The following MAD1L1 variants were observed in gnomAD, a reference collection of about 807,000 sequenced individuals.
The protein encoded by MAD1L1 is mitotic arrest deficient 1 like 1.
MAD1L1 carries 95 observed loss-of-function variants against 96.9 expected under a neutral mutation model. The ratio of observed to expected loss-of-function variants is 0.98; its 90% CI spans 0.83 to 1.16. MAD1L1 has a LOEUF of 1.16. MAD1L1 is among the 50% of genes most tolerant of loss of function. The pLI is 0.00. For synonymous variants in MAD1L1, 473 were observed against 396.6 expected (o/e 1.19, Z -2.29); for missense variants, 1,007 against 954.4 (o/e 1.06, Z -0.73).
chr7:1,928,220 C>T (rs1396939057), intron 17 of MAD1L1, among the ~76,000 whole-genome samples: 1 of 150,464 alleles, frequency 6.6e-6, no homozygotes, highest in Non-Finnish European at 1.5e-5. Flanking sequence ...GAGCCCACGA[C>T]GGAACTCCTG....
chr7:2,074,322 C>T (rs544644915), intron 11 of MAD1L1, among the ~76,000 whole-genome samples: 7 of 151,710 alleles, frequency 4.6e-5, no homozygotes, highest in Non-Finnish European at 1.0e-4. Flanking sequence ...GACCCTCAGG[C>T]GCCAAGGACG....
chr7:2,088,413 C>T lies in MAD1L1; in HGVS notation c.1074-19075G>A, dbSNP rs3778961. On this transcript the variant is annotated intron_variant, in intron 11 of 18. Transcript: ENST00000265854. This position sits in a 1 kb window ranked among gnomAD's most constrained non-coding sequence, Gnocchi z 4.4. ...AGCCACCTATTCCCACCACAGCCCCCGCCCCGCTCCGTCCCACCATGGCAG... is the reference window on the plus strand; with the variant it reads ...AGCCACCTATTCCCACCACAGCCCCTGCCCCGCTCCGTCCCACCATGGCAG... 0.053 allele frequency among the ~76,000 whole-genome samples: 8,118 copies of T among 152,232 alleles called. 385 individuals carry two copies. Among genetic ancestry groups the T allele is most frequent in the African/African-American group, 0.12 (5,079 of 41,520 alleles).
intron 13 of MAD1L1, among the ~76,000 whole-genome samples, chr7:2,004,164 C>T (rs906859929): frequency 9.9e-5 from 15 of 152,196 alleles, no homozygotes; most frequent in African/African-American, 3.1e-4. Flanking sequence ...ACCCACAGGC[C>T]ACCAGGCCAG....
At chr7:1,990,223 G>A (rs1781347362) in intron 14 of MAD1L1, among the ~76,000 whole-genome samples, 4 of 152,240 alleles carry the variant, frequency 2.6e-5, no homozygotes, top group African/African-American at 9.6e-5. Context: ...CTGGCTGCAA[G>A]GTGAGGGCTC....
chr7:1,867,752 G>A (rs1270010799), intron 18 of MAD1L1, among the ~76,000 whole-genome samples: 1 of 152,230 alleles, frequency 6.6e-6, no homozygotes, highest in African/African-American at 2.4e-5. Flanking sequence ...GCACAGGGAG[G>A]TGACACAGTC....
intron 18 of MAD1L1, among the ~76,000 whole-genome samples, chr7:1,873,352 A>G (rs10950413): frequency 0.4 from 61,304 of 151,826 alleles, 12,774 homozygotes; most frequent in Admixed American, 0.52. Flanking sequence ...TAATTACAGC[A>G]AGAGGGTGGG....
intron 10 of MAD1L1, among the ~76,000 whole-genome samples, chr7:2,159,777 G>C (rs1790014284): frequency 6.6e-6 from 1 of 152,222 alleles, no homozygotes. Context: ...AATGGAACTT[G>C]TGTAAGAGGA....
intron 11 of MAD1L1, among the ~76,000 whole-genome samples, chr7:2,084,552 G>A (rs1469099275): frequency 6.6e-6 from 1 of 152,250 alleles, no homozygotes; most frequent in African/African-American, 2.4e-5. Context: ...TTAGAGGCAG[G>A]AAACCCAGCT....
At chr7:2,021,637 C>T (rs1024107791) in intron 12 of MAD1L1, among the ~76,000 whole-genome samples, 3 of 152,042 alleles carry the variant, frequency 2.0e-5, no homozygotes, top group Non-Finnish European at 4.4e-5. Flanking sequence ...TGGTAATAGG[C>T]GCCTGTAATC....
chr7:1,956,249 G>T (rs1239359479), intron 16 of MAD1L1, among the ~76,000 whole-genome samples: 3 of 152,060 alleles, frequency 2.0e-5, no homozygotes, highest in East Asian at 3.9e-4. Flanking sequence ...CCCCACTAAG[G>T]GTGTAATCGC....
intron 16 of MAD1L1, among the ~76,000 whole-genome samples, chr7:1,952,730 G>C (rs1057378280): frequency 2.0e-5 from 3 of 152,194 alleles, no homozygotes; most frequent in Non-Finnish European, 4.4e-5. Context: ...TCAGGGCACA[G>C]AGAGGAGCAC....
chr7:1,906,104 G>C (rs1045936597), intron 17 of MAD1L1, among the ~76,000 whole-genome samples: 9 of 147,848 alleles, frequency 6.1e-5, no homozygotes, highest in Admixed American at 4.7e-4. Flanking sequence ...CCAAGCACCC[G>C]CAGGCACCAG....
intron 11 of MAD1L1, among the ~76,000 whole-genome samples, chr7:2,093,758 G>A (rs934877853): frequency 8.5e-5 from 13 of 152,148 alleles, no homozygotes; most frequent in African/African-American, 1.2e-4. Flanking sequence ...GCTGGGCAAC[G>A]CACGGGAGAG....
chr7:2,000,066 C>T (rs576772778), intron 14 of MAD1L1, among the ~76,000 whole-genome samples: 2 of 152,274 alleles, frequency 1.3e-5, no homozygotes, highest in East Asian at 3.9e-4. Context: ...AGATGGGCAC[C>T]TCTGACCCCA....
chr7:1,885,318 G>A (rs939054945), intron 18 of MAD1L1, among the ~76,000 whole-genome samples: 12 of 152,296 alleles, frequency 7.9e-5, no homozygotes, highest in Admixed American at 2.6e-4. Context: ...TCCCTCTCGC[G>A]GGTCCTTTGT....
intron 10 of MAD1L1, among the ~76,000 whole-genome samples, chr7:2,202,487 A>C (rs1380690879): frequency 6.6e-6 from 1 of 152,222 alleles, no homozygotes; most frequent in Non-Finnish European, 1.5e-5. Flanking sequence ...CATGGGCTCC[A>C]CAAGAGCAGC....
intron 10 of MAD1L1, among the ~76,000 whole-genome samples, chr7:2,153,123 T>TTATAAAATC (rs1438024830): frequency 1.4e-4 from 22 of 152,280 alleles, no homozygotes; most frequent in African/African-American, 5.3e-4. Flanking sequence ...GACATTGGTC[T>TTATAAAATC]AGGCAAAGAT....
At chr7:2,156,257 C>T (rs1038340990) in intron 10 of MAD1L1, among the ~76,000 whole-genome samples, 7 of 135,472 alleles carry the variant, frequency 5.2e-5, no homozygotes, top group African/African-American at 1.7e-4. Flanking sequence ...TTTCACGGCG[C>T]GTGTGGCGAG....
chr7:1,844,693 G>A (rs563472039), intron 18 of MAD1L1, among the ~76,000 whole-genome samples: 1 of 152,314 alleles, frequency 6.6e-6, no homozygotes, highest in East Asian at 1.9e-4. Context: ...GCTTCCCCCA[G>A]GACATCCTGC....
Sources: gnomAD v4.1 joint callset for allele counts (sites outside exome capture counted in the v4.1 genomes callset) on GRCh38, gnomAD v4.1.1 for gene constraint, Gnocchi (gnomAD v3.1) non-coding constraint, MANE v1.5 for transcripts, NCBI Gene and HGNC (gene_info 2026-07-23, HGNC 2026-07-21) for gene names.